The following WDR47 variants were observed in gnomAD, a reference collection of about 807,000 sequenced individuals.
WDR47 encodes WD repeat domain 47.
Under a neutral mutation model 97.2 loss-of-function variants are expected in WDR47, and 32 were observed. That is an observed-to-expected ratio of 0.33 (90% CI 0.25 to 0.44). The LOEUF (loss-of-function observed/expected upper bound fraction) is 0.44. Among genes scored for constraint, WDR47 ranks in the 20% least tolerant of loss-of-function variants. The probability of loss-of-function intolerance (pLI) is 1.00; values close to 1 mark genes in which losing one functional copy is unlikely to be tolerated. For synonymous variants in WDR47, 375 were observed against 373.5 expected, an observed-to-expected ratio of 1.00 and a Z score of -0.05; for missense variants, 782 against 1,102.3, an observed-to-expected ratio of 0.71 and a Z score of 4.11.
intron 1 of WDR47, among the ~76,000 whole-genome samples, chr1:109,035,559 G>A (rs894654110): frequency 3.3e-5 from 5 of 149,684 alleles, no homozygotes; most frequent in East Asian, 2.0e-4. Context: ...GTGCAGTGGC[G>A]CAATCTTGGC....
chr1:108,974,128 G>A (rs1180385399), intron 14 of WDR47, among the ~76,000 whole-genome samples: 2 of 151,086 alleles, frequency 1.3e-5, no homozygotes, highest in South Asian at 2.1e-4. Flanking sequence ...GGGGAGATAA[G>A]AGGATACAGT....
rs1460730212 is a variant in WDR47 at position 109,011,731 on chromosome 1, T to C, written c.328-13A>G. ...TGGTAAATTCCAGCTGTAAGAAAAA[T>C]ATAAATGATCAAATAATCACTATAA... On this transcript the variant is annotated splice_polypyrimidine_tract_variant and intron_variant, in intron 4 of 14. Coordinates refer to ENST00000369962, the MANE Select transcript of WDR47 (RefSeq NM_001142551.2). 1.9e-6 allele frequency: 3 copies of C among 1,563,706 alleles called. No individual in the cohort carries two copies. The highest frequency in any genetic ancestry group is 2.3e-5 in the East Asian group (1 of 44,324).
chr1:109,018,325 C>T (rs1006591853), intron 2 of WDR47, among the ~76,000 whole-genome samples: 1 of 151,078 alleles, frequency 6.6e-6, no homozygotes, highest in African/African-American at 2.4e-5. Flanking sequence ...GGCGGGCGCC[C>T]GTAATCCCAG....
chr1:109,038,877 G>A (rs556521833), intron 1 of WDR47, among the ~76,000 whole-genome samples: 3 of 152,184 alleles, frequency 2.0e-5, no homozygotes, highest in African/African-American at 4.8e-5. Context: ...TACTTGGGAG[G>A]CTGAGGCAGG....
At chr1:108,995,358 G>T (rs2101876831) in intron 8 of WDR47, among the ~76,000 whole-genome samples, 1 of 152,276 alleles carries the variant, frequency 6.6e-6, no homozygotes, top group African/African-American at 2.4e-5. Context: ...TGCCTTGGTG[G>T]TAGTCAGGAA....
chr1:109,004,752 A>AC (rs1553232223), intron 5 of WDR47, 37 bp from the exon 6 acceptor site: 1 of 1,555,756 alleles, frequency 6.4e-7, no homozygotes, highest in East Asian at 2.3e-5. Context: ...AAAAAGGCAG[A>AC]GGGGGGAGTA....
chr1:108,973,960 A>G (rs35242552), intron 14 of WDR47, among the ~76,000 whole-genome samples: 16,483 of 151,910 alleles, frequency 0.11, 1,054 homozygotes, highest in African/African-American at 0.16. Flanking sequence ...CTGGGAGGCC[A>G]ATGCAGGCAG....
At chr1:108,992,578 G>C in intron 8 of WDR47, 2 of 1,429,656 alleles carry the variant, frequency 1.4e-6, no homozygotes, top group Non-Finnish European at 1.9e-6. Context: ...AAAACACAGA[G>C]AGTAATGCTG....
At chr1:108,989,405 T>A (rs1307723613) in intron 9 of WDR47, among the ~76,000 whole-genome samples, 1 of 152,238 alleles carries the variant, frequency 6.6e-6, no homozygotes, top group African/African-American at 2.4e-5. Context: ...TACATCCTCC[T>A]TGCAGGAGTA....
chr1:108,994,312 G>C (rs1238162041), intron 8 of WDR47, among the ~76,000 whole-genome samples: 1 of 152,160 alleles, frequency 6.6e-6, no homozygotes, highest in African/African-American at 2.4e-5. Context: ...CAGGAGAATT[G>C]TTTGAACCTG....
chr1:109,029,885 AAAAG>A (rs915198467), intron 1 of WDR47, among the ~76,000 whole-genome samples: 10 of 150,866 alleles, frequency 6.6e-5, no homozygotes, highest in East Asian at 1.9e-4. Context: ...CAAAAAAAAA[AAAAG>A]AAAGAAAGAA....
At position 108,995,347 on chromosome 1, in the gene WDR47, T is replaced by C. The variant is rs563068531; in HGVS notation, c.1691+233A>G. Among the ~76,000 whole-genome samples, 13 of 152,250 alleles carry C rather than the reference T, an allele frequency of 8.5e-5. No individual in the cohort carries two copies. The South Asian group carries it at 2.5e-3, about 29-fold the overall frequency. ...GTAGGATGGCTTATAAAAAATATAA[T>C]TGCCTTGGTGGTAGTCAGGAAGCAA... On this transcript the variant is annotated intron_variant, in intron 8 of 14. Coordinates refer to ENST00000369962, the MANE Select transcript of WDR47 (RefSeq NM_001142551.2).
chr1:108,987,562 G>T (rs1658935908), intron 9 of WDR47, among the ~76,000 whole-genome samples: 1 of 152,070 alleles, frequency 6.6e-6, no homozygotes, highest in Non-Finnish European at 1.5e-5. Context: ...CTGCCTCCCA[G>T]GTTCAAGTGA....
intron 8 of WDR47, among the ~76,000 whole-genome samples, chr1:108,995,240 TTTAAGA>T (rs1333620475): frequency 6.6e-6 from 1 of 152,160 alleles, no homozygotes; most frequent in East Asian, 1.9e-4. Flanking sequence ...AAGTCTGAAT[TTTAAGA>T]TTATTTGTTC....
intron 5 of WDR47, among the ~76,000 whole-genome samples, chr1:109,008,230 C>T (rs1415287023): frequency 6.6e-6 from 1 of 152,064 alleles, no homozygotes. Flanking sequence ...AATCTCAGAG[C>T]AACTTAACAG....
At chr1:109,010,877 C>T (rs763468883) in intron 5 of WDR47, 39 bp downstream of exon 5, 18 of 1,565,186 alleles carry the variant, frequency 1.2e-5, no homozygotes, top group South Asian at 3.6e-5. Flanking sequence ...CCACTGCACC[C>T]GGCCTAAGAT....
rs1334177386 is a variant in WDR47, at chr1:109,037,626, CAAAAA to C, written c.-10+4231_-10+4235del. On this transcript the variant is annotated intron_variant, in intron 1 of 14. Coordinates refer to ENST00000369962, the MANE Select transcript of WDR47 (RefSeq NM_001142551.2). ...TGGGGGACAGAGCGAGACCTCGTCT[CAAAAA>C]AAAAAAAAAAAAAAACCAACCCAAT... is the stretch of plus-strand genomic sequence containing the variant. 4.9e-5 allele frequency among the ~76,000 whole-genome samples: 3 copies of C among 61,454 alleles called. No individual in the cohort carries two copies. The Admixed American group carries it at 5.3e-4, about 11-fold the overall frequency. The allele number at this position is 61,454 out of a possible 152,430, so 40.3% of individuals were successfully genotyped here. A position where few individuals can be genotyped will look rare whatever the true frequency, so the allele number is the denominator to read the frequency against.
intron 2 of WDR47, among the ~76,000 whole-genome samples, chr1:109,020,886 A>ATT (rs36061329): frequency 0.039 from 5,554 of 142,424 alleles, 148 homozygotes; most frequent in Admixed American, 0.058. Context: ...GGAACACTTC[A>ATT]TTTTTTTTTT....
chr1:109,023,849 GGGTAATA>G (rs1204630615), intron 1 of WDR47, among the ~76,000 whole-genome samples: 1 of 152,164 alleles, frequency 6.6e-6, no homozygotes. Flanking sequence ...TACTGAAGCA[GGGTAATA>G]GGTAAATGAG....
Sources: allele counts gnomAD v4.1 joint callset (sites outside exome capture counted in the v4.1 genomes callset), GRCh38; gene constraint gnomAD v4.1.1; transcripts MANE v1.5; gene names NCBI Gene and HGNC (gene_info 2026-07-23, HGNC 2026-07-21).